IFT88: variants seen among roughly 807,000 people sequenced by gnomAD.
The protein encoded by IFT88 is intraflagellar transport protein 88 homolog.
IFT88 carries 74 observed loss-of-function variants against 119.5 expected under a neutral mutation model. The ratio of observed to expected loss-of-function variants is 0.62; its 90% CI spans 0.51 to 0.75. The LOEUF (loss-of-function observed/expected upper bound fraction) is 0.75. IFT88 is among the 30% of genes least tolerant of loss of function. IFT88 has a pLI of 0.00. For missense variants in IFT88, 961 were observed against 977.7 expected, an observed-to-expected ratio of 0.98 and a Z score of 0.23; for synonymous variants, 279 against 316.7, an observed-to-expected ratio of 0.88 and a Z score of 1.26.
chr13:20,584,156 T>TAAAA (rs10661539), intron 3 of IFT88, among the ~76,000 whole-genome samples: 2 of 149,306 alleles, frequency 1.3e-5, no homozygotes. Context: ...TCTATTTCTG[T>TAAAA]AAAAAAAAAA....
At chr13:20,634,286 A>G (rs1328894821) in intron 16 of IFT88, among the ~76,000 whole-genome samples, 1 of 152,172 alleles carries the variant, frequency 6.6e-6, no homozygotes, top group Non-Finnish European at 1.5e-5. Flanking sequence ...TGGAGTCATT[A>G]TTGTAATAAT....
chr13:20,590,331 A>G (rs2040444540), intron 4 of IFT88, among the ~76,000 whole-genome samples: 1 of 152,162 alleles, frequency 6.6e-6, no homozygotes, highest in Non-Finnish European at 1.5e-5. Flanking sequence ...AAAGTTATAA[A>G]CTTTTTAATC....
In IFT88 at chr13:20,567,266, G is replaced by C. The variant is rs1036456797; in HGVS notation, c.-7+10G>C. On this transcript the variant is annotated intron_variant, in intron 1 of 25. Transcript: ENST00000351808. ...CTTCCCTCAGCGTGAGGTAGGAGAA[G>C]GGCGCTGGGGCCTAGTGCCTCAGGG... 1.3e-5 allele frequency: 2 copies of C among 152,270 alleles called. No individual in the cohort carries two copies. The highest frequency in any genetic ancestry group is 2.9e-5 in the Non-Finnish European group (2 of 68,074). 9.4% of individuals were successfully genotyped at this position (152,270 alleles called of 1,614,324 possible).
intron 24 of IFT88, among the ~76,000 whole-genome samples, chr13:20,683,983 A>G (rs1005951992): frequency 2.7e-4 from 41 of 152,206 alleles, no homozygotes; most frequent in African/African-American, 8.2e-4. Flanking sequence ...AAGTAATCCT[A>G]CCGTCCCCAC....
chr13:20,628,572 A>G (rs1276073237), intron 15 of IFT88, among the ~76,000 whole-genome samples: 2 of 152,230 alleles, frequency 1.3e-5, no homozygotes, highest in African/African-American at 4.8e-5. Flanking sequence ...AACATATTTT[A>G]TGTAGATTTA....
At chr13:20,623,002 A>G (rs1035536368) in intron 14 of IFT88, among the ~76,000 whole-genome samples, 3 of 152,180 alleles carry the variant, frequency 2.0e-5, no homozygotes, top group African/African-American at 7.2e-5. Context: ...ATTTTTGTAC[A>G]TAGTGTTAGG....
intron 10 of IFT88, 67 bp downstream of exon 10, chr13:20,598,820 AT>A: frequency 1.1e-6 from 1 of 912,374 alleles, no homozygotes; most frequent in Non-Finnish European, 1.8e-6. Flanking sequence ...ATGTCTCTTC[AT>A]TTTATGCTTC....
intron 20 of IFT88, among the ~76,000 whole-genome samples, chr13:20,650,180 A>G (rs1044591212): frequency 2.0e-5 from 3 of 152,156 alleles, no homozygotes; most frequent in Non-Finnish European, 4.4e-5. Context: ...CTACAAGAAA[A>G]CTACAGACCA....
intron 20 of IFT88, among the ~76,000 whole-genome samples, chr13:20,650,431 A>G (rs537251042): frequency 2.0e-5 from 3 of 152,316 alleles, no homozygotes; most frequent in Admixed American, 2.0e-4. Context: ...CCGCTTTGTG[A>G]TAAAAATACT....
chr13:20,583,066 A>G, intron 3 of IFT88, 47 bp downstream of exon 3: 1 of 1,169,422 alleles, frequency 8.6e-7, no homozygotes, highest in Non-Finnish European at 1.3e-6. Context: ...AATACATAAC[A>G]TGAAATTTAC....
chr13:20,626,146 T>C (rs768562414), intron 15 of IFT88, among the ~76,000 whole-genome samples: 2 of 129,134 alleles, frequency 1.5e-5, no homozygotes, highest in Non-Finnish European at 3.2e-5. Context: ...CTGCAAGCTC[T>C]GCCTCCCGGG....
intron 16 of IFT88, chr13:20,631,900 A>C (rs2048262270): frequency 6.6e-6 from 1 of 152,238 alleles, no homozygotes; most frequent in Admixed American, 6.5e-5. Flanking sequence ...TAATCCCAGC[A>C]CTTTGGGAGG....
chr13:20,590,192 T>C (rs1188588943), intron 4 of IFT88, among the ~76,000 whole-genome samples: 1 of 152,172 alleles, frequency 6.6e-6, no homozygotes, highest in African/African-American at 2.4e-5. Flanking sequence ...TTTACATAAA[T>C]GTAATAGTGT....
At chr13:20,646,272 C>T (rs530115529) in intron 20 of IFT88, among the ~76,000 whole-genome samples, 1 of 151,646 alleles carries the variant, frequency 6.6e-6, no homozygotes, top group African/African-American at 2.4e-5. Context: ...GTGATTATCA[C>T]TAACACATTT....
chr13:20,642,234 T>C (rs1244504681), intron 18 of IFT88: 1 of 152,224 alleles, frequency 6.6e-6, no homozygotes, highest in Non-Finnish European at 1.5e-5. Flanking sequence ...TTAGAAAATT[T>C]TATATGTTGT....
At chr13:20,578,663 C>T (rs1380188001) in intron 2 of IFT88, among the ~76,000 whole-genome samples, 8 of 152,108 alleles carry the variant, frequency 5.3e-5, no homozygotes. Context: ...GATTCTCCTG[C>T]CTCAGCCTCC....
intron 20 of IFT88, among the ~76,000 whole-genome samples, chr13:20,652,600 A>G (rs967647910): frequency 6.6e-6 from 1 of 151,898 alleles, no homozygotes; most frequent in Non-Finnish European, 1.5e-5. Context: ...TGGGTGACAG[A>G]CTGGGACCCT....
At chr13:20,671,757 C>T (rs1412082793) in intron 24 of IFT88, among the ~76,000 whole-genome samples, 1 of 152,080 alleles carries the variant, frequency 6.6e-6, no homozygotes, top group Non-Finnish European at 1.5e-5. Context: ...AAATAAATGT[C>T]GAATTGGGGT....
chr13:20,621,097 G>A, intron 14 of IFT88, among the ~76,000 whole-genome samples: 1 of 150,508 alleles, frequency 6.6e-6, no homozygotes, highest in Non-Finnish European at 1.5e-5. Context: ...ACAGAGTCTT[G>A]CTCTGTCACC....
Sources: allele counts gnomAD v4.1 joint callset (sites outside exome capture counted in the v4.1 genomes callset), GRCh38; gene constraint gnomAD v4.1.1; transcripts MANE v1.5; gene names NCBI Gene and HGNC (gene_info 2026-07-23, HGNC 2026-07-21).